DOCK8: variants seen among roughly 807,000 people sequenced by gnomAD.
DOCK8 encodes the protein dedicator of cytokinesis 8.
DOCK8 carries 141 observed loss-of-function variants against 245.6 expected under a neutral mutation model. The observed-to-expected ratio is 0.57, with a 90% CI of 0.50 to 0.66. The LOEUF is 0.66. Ranked by LOEUF, DOCK8 falls within the 30% of genes least tolerant of loss-of-function variation. The pLI is 0.00. For missense variants in DOCK8, 2,965 were observed against 2,603.4 expected (o/e 1.14, Z -3.02); for synonymous variants, 1,168 against 970.2 (o/e 1.20, Z -3.79).
At chr9:214,366 T>A, upstream of DOCK8, 1 of 728,344 alleles carries the variant, frequency 1.4e-6, no homozygotes, top group Non-Finnish European at 2.2e-6. Flanking sequence ...GAATCCATTA[T>A]ATTTATTTAG....
chr9:239,579 A>G (rs1012216098), intron 1 of DOCK8, among the ~76,000 whole-genome samples: 1 of 152,234 alleles, frequency 6.6e-6, no homozygotes, highest in African/African-American at 2.4e-5. Context: ...GAGACCTGCA[A>G]ACAAGTTTCC....
rs913798246 is a variant in DOCK8 at position 370,142 on chromosome 9, G to A, written c.1798-88G>A. ...AATTGTACAAAATGCAGCTCTATGA[G>A]ACCAGAACATCCTGTTGGCCTGATG... On this transcript the variant is annotated intron_variant, in intron 15 of 47. Transcript: ENST00000432829. 3 of 1,158,376 alleles carry A rather than the reference G, an allele frequency of 2.6e-6. No individual in the cohort carries two copies. In the African/African-American group the frequency reaches 4.6e-5, roughly 18 times the overall value. The allele number at this position is 1,158,376 out of a possible 1,614,324, so 71.8% of individuals were successfully genotyped here. A position where few individuals can be genotyped will look rare whatever the true frequency, so the allele number is the denominator to read the frequency against.
At chr9:291,212 C>T (rs538893701) in intron 4 of DOCK8, among the ~76,000 whole-genome samples, 6 of 152,244 alleles carry the variant, frequency 3.9e-5, no homozygotes, top group South Asian at 4.1e-4. Context: ...TTTTCTATTT[C>T]GGGCTTGTCC....
chr9:269,660 A>T (rs1376657901), intron 1 of DOCK8, among the ~76,000 whole-genome samples: 3 of 151,350 alleles, frequency 2.0e-5, no homozygotes, highest in Non-Finnish European at 4.4e-5. Context: ...GGTTCAAGCA[A>T]TTGTCATGCC....
chr9:459,733 C>T (rs914312519), intron 46 of DOCK8: 8 of 152,320 alleles, frequency 5.3e-5, no homozygotes, highest in African/African-American at 1.9e-4. Flanking sequence ...CTTCCTCACT[C>T]ATGTCTGGTG....
intron 22 of DOCK8, among the ~76,000 whole-genome samples, chr9:385,327 A>G (rs1246863785): frequency 2.0e-5 from 3 of 152,222 alleles, no homozygotes; most frequent in Non-Finnish European, 2.9e-5. Context: ...GTTTTGACAA[A>G]TGTACCTTAC....
At position 439,407 on chromosome 9, in the gene DOCK8, TC is replaced by T. The variant is rs34133344; in HGVS notation, c.5223+22del. On this transcript the variant is annotated intron_variant, in intron 40 of 47. Coordinates refer to ENST00000432829, the MANE Select transcript of DOCK8 (RefSeq NM_203447.4). ...CAGCACGGTCAGTGCCCAGAGGGCATCCCGGGGCCTGGCCTCCCATACTCCA... is the reference window on the plus strand; with the variant it reads ...CAGCACGGTCAGTGCCCAGAGGGCATCCGGGGCCTGGCCTCCCATACTCCA... The T allele has an allele frequency of 2.6e-5, 42 of 1,610,794 alleles. No homozygotes were observed. Among genetic ancestry groups the T allele is most frequent in the Middle Eastern group, 1.8e-4 (1 of 5,416 alleles).
intron 14 of DOCK8, among the ~76,000 whole-genome samples, chr9:360,043 T>G (rs996028606): frequency 2.6e-5 from 4 of 152,096 alleles, no homozygotes; most frequent in Non-Finnish European, 5.9e-5. Context: ...AGGCCAAGTA[T>G]GGTGGCTCAC....
rs1329589578 is a variant in DOCK8, at chr9:434,428, T to A, written c.4887-355T>A. Among the ~76,000 whole-genome samples, 4 of 152,258 alleles carry A rather than the reference T, an allele frequency of 2.6e-5. 1 individual carries two copies. The highest frequency in any genetic ancestry group is 9.6e-5 in the African/African-American group (4 of 41,540). ...GAGGCAAAATTGTTCTGATGCAACATCATACAAAGGGCAGTACTTTTGTCT... is the reference window on the plus strand; with the variant it reads ...GAGGCAAAATTGTTCTGATGCAACAACATACAAAGGGCAGTACTTTTGTCT... On this transcript the variant is annotated intron_variant, in intron 38 of 47. Transcript: ENST00000432829.
At chr9:304,291 G>A (rs750527609) in intron 4 of DOCK8, among the ~76,000 whole-genome samples, 8 of 152,188 alleles carry the variant, frequency 5.3e-5, no homozygotes, top group Non-Finnish European at 1.2e-4. Context: ...GCTTCAGCTC[G>A]GAGCCAAATG....
intron 2 of DOCK8, among the ~76,000 whole-genome samples, chr9:284,791 G>A (rs1166264741): frequency 6.6e-6 from 1 of 152,126 alleles, no homozygotes; most frequent in Non-Finnish European, 1.5e-5. Context: ...GCCTTTTGTG[G>A]GAACATGGAT....
At chr9:317,277 G>T in intron 7 of DOCK8, 149 bp downstream of exon 7, 1 of 710,912 alleles carries the variant, frequency 1.4e-6, no homozygotes, top group South Asian at 1.5e-5. Flanking sequence ...GAAAGGGCAC[G>T]TTTGAGTCCA....
intron 14 of DOCK8, among the ~76,000 whole-genome samples, chr9:343,762 A>G (rs1044344683): frequency 1.3e-5 from 2 of 152,192 alleles, no homozygotes; most frequent in African/African-American, 4.8e-5. Context: ...ATGTTTGCTT[A>G]TGGATGCTTT....
Position 418,189 on chromosome 9 carries a change from A to G in DOCK8, c.3822A>G (p.Gly1274=). ...ATAATTTCAATTTGAAAACAAGTGG[A>G]ATAGTGCTGTCTTCCTTGGTATGTT... ...AGNNFNLKTS[G]IVLSSLPYKQ... is the part of the protein sequence containing the mutation. The change falls in exon 30 of 48, where the codon GGA becomes GGG. Residue 1274 remains glycine, a synonymous_variant. Coordinates refer to ENST00000432829, the MANE Select transcript of DOCK8 (RefSeq NM_203447.4). The G allele has an allele frequency of 6.2e-7, 1 of 1,614,244 alleles. No homozygotes were observed. Among genetic ancestry groups the G allele is most frequent in the Non-Finnish European group, 8.5e-7 (1 of 1,180,026 alleles).
Position 439,267 on chromosome 9 carries a change from A to T in DOCK8, c.5102A>T (p.Glu1701Val). The T allele has an allele frequency of 6.2e-7, 1 of 1,614,046 alleles. No individual in the cohort carries two copies. Among genetic ancestry groups the T allele is most frequent in the Non-Finnish European group, 8.5e-7 (1 of 1,179,996 alleles). Residue 1701 changes from glutamate (E) to valine (V), a missense_variant, in exon 40 of 48, where the codon GAG becomes GTG. By Grantham distance (121) the Glu-to-Val change is moderately radical (BLOSUM62 -2). This residue lies in a region of DOCK8 where 2,825 missense variants were observed against 2,453.5 expected (regional missense o/e 1.15). Coordinates refer to ENST00000432829, the MANE Select transcript of DOCK8 (RefSeq NM_203447.4). ...SFQNISSNVL[E>V]ESVVSEDTLS... ...CAGAATATTTCTTCCAATGTGCTGGAGGAGTCTGTGGTCTCTGAGGACACC... is the reference window on the plus strand; with the variant it reads ...CAGAATATTTCTTCCAATGTGCTGGTGGAGTCTGTGGTCTCTGAGGACACC...
At chr9:407,894 A>G (rs1390634342) in intron 28 of DOCK8, among the ~76,000 whole-genome samples, 1 of 152,130 alleles carries the variant, frequency 6.6e-6, no homozygotes, top group East Asian at 1.9e-4. Flanking sequence ...TTCAAAGATG[A>G]TTAGGATTGC....
Position 339,062 on chromosome 9 carries a change from A to T in DOCK8, c.1479A>T (p.Arg493Ser). The change falls in exon 13 of 48, where the codon AGA becomes AGT. Residue 493 changes from arginine (R) to serine (S), a missense_variant. By Grantham distance (110) the Arg-to-Ser change is moderately radical. Transcript: ENST00000432829. Reference sequence around the variant, plus strand: ...TCAAGTTTTTAGCTGACTACAAAAGATCATCATCCTTACAGAGACGAGTCA... The same window carrying T: ...TCAAGTTTTTAGCTGACTACAAAAGTTCATCATCCTTACAGAGACGAGTCA... Reference protein sequence around the residue: ...DLFKFLADYKRSSSLQRRVKS... With the variant: ...DLFKFLADYKSSSSLQRRVKS... 6.2e-7 allele frequency: 1 copy of T among 1,614,116 alleles called. No homozygotes were observed. The highest frequency in any genetic ancestry group is 8.5e-7 in the Non-Finnish European group (1 of 1,180,008).
At chr9:437,195 C>T (rs1204879407) in intron 39 of DOCK8, among the ~76,000 whole-genome samples, 1 of 152,182 alleles carries the variant, frequency 6.6e-6, no homozygotes, top group African/African-American at 2.4e-5. Flanking sequence ...GGAATGTGAG[C>T]CTGGAGTAGC....
rs752162328 is a variant in DOCK8 at position 215,390 on chromosome 9, G to A, written c.53+361G>A. On this transcript the variant is annotated intron_variant, in intron 1 of 47. Transcript: ENST00000432829. Reference sequence around the variant, plus strand: ...AACCGTGTTGGGCGCGCCACGGAGTGTCTCATAAACGGCTCCTTCCTTTGA... The same window carrying A: ...AACCGTGTTGGGCGCGCCACGGAGTATCTCATAAACGGCTCCTTCCTTTGA... The A allele has an allele frequency of 2.3e-5, 37 of 1,581,660 alleles. No homozygotes were observed. Among genetic ancestry groups the A allele is most frequent in the Non-Finnish European group, 3.2e-5 (37 of 1,165,992 alleles).
Sources: allele counts gnomAD v4.1 joint callset (sites outside exome capture counted in the v4.1 genomes callset), GRCh38; gene constraint gnomAD v4.1.1; regional missense constraint gnomAD v4.1.1; transcripts MANE v1.5; gene names NCBI Gene and HGNC (gene_info 2026-07-23, HGNC 2026-07-21).